The following TYW1B variants were observed in gnomAD, a reference collection of about 807,000 sequenced individuals.
TYW1B encodes the protein tRNA-yW synthesizing protein 1 homolog B, also known as S-adenosyl-L-methionine-dependent tRNA 4-demethylwyosine synthase TYW1B.
A neutral mutation model predicts 86.9 loss-of-function variants in TYW1B; 73 were observed. That is an observed-to-expected ratio of 0.84 (90% confidence interval 0.70 to 1.02). The LOEUF (loss-of-function observed/expected upper bound fraction) is 1.02. Among genes scored for constraint, TYW1B ranks in the 50% least tolerant of loss-of-function variants. The pLI, the probability that TYW1B is intolerant of heterozygous loss-of-function variation, is 0.00. For synonymous variants in TYW1B, 248 were observed against 292.8 expected, an observed-to-expected ratio of 0.85 and a Z score of 1.56; for missense variants, 637 against 827.4, an observed-to-expected ratio of 0.77 and a Z score of 2.82.
At chr7:72,670,656 T>C (rs531451216) in intron 11 of TYW1B, among the ~76,000 whole-genome samples, 123 of 152,152 alleles carry the variant, frequency 8.1e-4, no homozygotes, top group African/African-American at 2.5e-3. Context: ...TTCTGAGGAG[T>C]AGAAAGACCC....
chr7:72,744,007 C>T (rs1324646315), intron 8 of TYW1B, among the ~76,000 whole-genome samples: 1 of 108,756 alleles, frequency 9.2e-6, no homozygotes, highest in African/African-American at 3.1e-5. Flanking sequence ...GGGCTGTAAC[C>T]AGCTGAAACA....
intron 7 of TYW1B, among the ~76,000 whole-genome samples, chr7:72,760,860 A>G (rs1446509855): frequency 6.6e-6 from 1 of 152,192 alleles, no homozygotes; most frequent in Admixed American, 6.6e-5. Context: ...CTACAACAGA[A>G]TGATCTTCGT....
At chr7:72,624,914 C>G (rs1291635664) in intron 12 of TYW1B, among the ~76,000 whole-genome samples, 3 of 151,944 alleles carry the variant, frequency 2.0e-5, no homozygotes, top group Non-Finnish European at 4.4e-5. Flanking sequence ...CAAAAATTGG[C>G]CAAGCGTGGT....
At chr7:72,775,049 G>C (rs1787931953) in intron 7 of TYW1B, among the ~76,000 whole-genome samples, 1 of 152,132 alleles carries the variant, frequency 6.6e-6, no homozygotes, top group Non-Finnish European at 1.5e-5. Context: ...ATTAATGGAA[G>C]ATGAGACATT....
At chr7:72,593,241 C>T (rs1389426759) in intron 13 of TYW1B, among the ~76,000 whole-genome samples, 8 of 149,714 alleles carry the variant, frequency 5.3e-5, no homozygotes, top group East Asian at 2.0e-4. Context: ...TGTGGCGAGC[C>T]GAGATCACGC....
intron 7 of TYW1B, among the ~76,000 whole-genome samples, chr7:72,772,798 A>G (rs1420061136): frequency 1.3e-5 from 2 of 152,222 alleles, no homozygotes; most frequent in African/African-American, 4.8e-5. Context: ...TCTGGATGAC[A>G]GCATAAGTGG....
rs1233841852 is a variant in TYW1B at position 72,796,740 on chromosome 7, T to C, written c.846+5660A>G. Among the ~76,000 whole-genome samples the C allele has an allele frequency of 4.0e-5, 6 of 150,130 alleles. No individual in the cohort carries two copies. The Admixed American group carries it at 4.0e-4, about 10-fold the overall frequency. On this transcript the variant is annotated intron_variant, in intron 6 of 13. Transcript: ENST00000620995. ...TCTGTTACCCTTCTTTCACCAGTCCTGAAACCAGCCCTTTATCATAAGGAA... is the reference window on the plus strand; with the variant it reads ...TCTGTTACCCTTCTTTCACCAGTCCCGAAACCAGCCCTTTATCATAAGGAA...
At chr7:72,711,576 T>TCTC (rs1786670064) in intron 10 of TYW1B, among the ~76,000 whole-genome samples, 1 of 130,196 alleles carries the variant, frequency 7.7e-6, no homozygotes, top group African/African-American at 2.9e-5. Context: ...TTCTCACCAT[T>TCTC]CTCCTGCCTC....
rs181579366 is a variant in TYW1B, at chr7:72,663,466, T to A, written c.1506+31221A>T. Among the ~76,000 whole-genome samples the A allele has an allele frequency of 9.1e-3, 1,389 of 151,910 alleles. 25 individuals are homozygous for A. The highest frequency in any genetic ancestry group is 0.032 in the African/African-American group (1,321 of 41,422). ...CTATGTGACCTAAAACAAATAAAAA[T>A]CACTTTCAAAAGCCGGGCACGGTGG... On this transcript the variant is annotated intron_variant, in intron 11 of 13. Transcript: ENST00000620995.
intron 11 of TYW1B, among the ~76,000 whole-genome samples, chr7:72,633,901 A>C (rs1812603374): frequency 6.6e-6 from 1 of 152,120 alleles, no homozygotes; most frequent in Non-Finnish European, 1.5e-5. Context: ...TGTTTAAGGA[A>C]ATTTTATAAA....
In TYW1B at chr7:72,745,854, GTGTGT is replaced by G. The variant is rs1787385413; in HGVS notation, c.965-1258_965-1254del. 1.3e-3 allele frequency among the ~76,000 whole-genome samples: 10 copies of G among 7,946 alleles called. No individual in the cohort carries two copies. The East Asian group carries it at 0.25, about 199-fold the overall frequency. The allele number at this position is 7,946 out of a possible 152,430, so 5.2% of individuals were successfully genotyped here. Reference sequence around the variant, plus strand: ...GTAGCCTTTACACGTGTATAGGGGTGTGTGTGTGTGTGTGTGTGTGTGTGTGTGTG... The same window carrying G: ...GTAGCCTTTACACGTGTATAGGGGTGGTGTGTGTGTGTGTGTGTGTGTGTG... On this transcript the variant is annotated intron_variant, in intron 7 of 13. Transcript: ENST00000620995.
At chr7:72,598,266 G>A (rs1554433007) in intron 13 of TYW1B, among the ~76,000 whole-genome samples, 10 of 152,046 alleles carry the variant, frequency 6.6e-5, no homozygotes, top group Admixed American at 2.0e-4. Flanking sequence ...TCCTGCCCTC[G>A]AACATCGGAC....
intron 13 of TYW1B, among the ~76,000 whole-genome samples, chr7:72,579,848 G>C (rs1469517800): frequency 4.6e-5 from 7 of 152,204 alleles, no homozygotes; most frequent in East Asian, 1.9e-4. Context: ...AAAGGGTCTA[G>C]CTATTTTGCC....
chr7:72,762,746 G>A (rs1164626361), intron 7 of TYW1B, among the ~76,000 whole-genome samples: 3 of 152,038 alleles, frequency 2.0e-5, no homozygotes, highest in African/African-American at 4.8e-5. Flanking sequence ...TGCAACCTCC[G>A]CCTCCCTGGT....
chr7:72,701,757 C>T (rs1279153230), intron 10 of TYW1B, among the ~76,000 whole-genome samples: 1 of 152,186 alleles, frequency 6.6e-6, no homozygotes, highest in Non-Finnish European at 1.5e-5. Flanking sequence ...TGTTTGGCCA[C>T]TGAAGTCTCT....
At chr7:72,799,612 C>T (rs1160139784) in intron 6 of TYW1B, among the ~76,000 whole-genome samples, 13 of 152,000 alleles carry the variant, frequency 8.6e-5, no homozygotes, top group East Asian at 1.9e-4. Context: ...ACTACAGACG[C>T]CCACCACCAC....
Position 72,795,443 on chromosome 7 carries a change from T to G in TYW1B, c.846+6957A>C, listed in dbSNP as rs1275206896. Among the ~76,000 whole-genome samples, 8 of 152,116 alleles carry G rather than the reference T, an allele frequency of 5.3e-5. No homozygotes were observed. In the East Asian group the frequency reaches 1.5e-3, roughly 29 times the overall value. ...TGACATTTACAAAGTCTAAAAGGCT[T>G]GTGGCAAATACTGGATTTGTCTCAT... On this transcript the variant is annotated intron_variant, in intron 6 of 13. Coordinates refer to ENST00000620995, the MANE Select transcript of TYW1B (RefSeq NM_001145440.3).
At position 72,640,690 on chromosome 7, in the gene TYW1B, A is replaced by C. The variant is rs573697434; in HGVS notation, c.1507-11693T>G. ...TAGCATCAATATGAAGTAACAATTGACATAACTAAAATGAGAAATTAACAT... is the reference window on the plus strand; with the variant it reads ...TAGCATCAATATGAAGTAACAATTGCCATAACTAAAATGAGAAATTAACAT... On this transcript the variant is annotated intron_variant, in intron 11 of 13. Coordinates refer to ENST00000620995, the MANE Select transcript of TYW1B (RefSeq NM_001145440.3). 2.8e-3 allele frequency among the ~76,000 whole-genome samples: 427 copies of C among 152,280 alleles called. 3 individuals carry two copies. The highest frequency in any genetic ancestry group is 4.0e-3 in the Admixed American group (61 of 15,296).
At chr7:72,780,043 T>C (rs1393942982) in intron 6 of TYW1B, among the ~76,000 whole-genome samples, 1 of 152,194 alleles carries the variant, frequency 6.6e-6, no homozygotes, top group Non-Finnish European at 1.5e-5. Context: ...TTTGTTCTTA[T>C]AATAAATGTA....
Sources: gnomAD v4.1 joint callset for allele counts (sites outside exome capture counted in the v4.1 genomes callset) on GRCh38, gnomAD v4.1.1 for gene constraint, MANE v1.5 for transcripts, NCBI Gene and HGNC (gene_info 2026-07-23, HGNC 2026-07-21) for gene names.